The following MUC17 variants were observed in gnomAD, a reference collection of about 807,000 sequenced individuals.
The protein encoded by MUC17 is mucin-17.
Under a neutral mutation model 170.3 loss-of-function variants are expected in MUC17, and 190 were observed. The observed-to-expected ratio is 1.12, with a 90% CI of 0.99 to 1.26. The LOEUF is 1.26. MUC17 is among the 50% of genes most tolerant of loss of function. MUC17 has a pLI of 0.00. For synonymous variants in MUC17, 2,325 were observed against 2,002.5 expected, an observed-to-expected ratio of 1.16 and a Z score of -4.30; for missense variants, 6,415 against 5,530.0, an observed-to-expected ratio of 1.16 and a Z score of -5.08.
chr7:101,055,370 TG>T (rs1383867808), intron 11 of MUC17, among the ~76,000 whole-genome samples: 4 of 152,178 alleles, frequency 2.6e-5, no homozygotes, highest in Non-Finnish European at 5.9e-5. Context: ...ACAAAGTGTC[TG>T]TTGTTTTGTG....
rs901526446 is a variant in MUC17 at position 101,052,921 on chromosome 7, C to T, written c.13104-65C>T. ...TCATTAAACACCCACTGGGCAGGGC[C>T]CAGGTCTGAAGCTGGTGCTGACTCC... On this transcript the variant is annotated intron_variant, in intron 9 of 12. Transcript: ENST00000306151. 7 of 1,559,686 alleles carry T rather than the reference C, an allele frequency of 4.5e-6. No homozygotes were observed. In the African/African-American group the frequency reaches 9.5e-5, roughly 21 times the overall value.
rs778555889 is a variant in MUC17 at position 101,035,861 on chromosome 7, C to G, written c.4445C>G (p.Ser1482Cys). 6.2e-6 allele frequency: 10 copies of G among 1,602,340 alleles called. No individual in the cohort carries two copies. The Admixed American group carries it at 6.7e-5, about 11-fold the overall frequency. ...ACCCTTTCAACAACTCCTGTTGACTCTAACAGTCCTGTGGTCACTTCTACA... is the reference window on the plus strand; with the variant it reads ...ACCCTTTCAACAACTCCTGTTGACTGTAACAGTCCTGTGGTCACTTCTACA... ...ASTLSTTPVD[S>C]NSPVVTSTAV... The change falls in exon 3 of 13, where the codon TCT becomes TGT. Residue 1482 changes from serine to cysteine, a missense_variant. Coordinates refer to ENST00000306151, the MANE Select transcript of MUC17 (RefSeq NM_001040105.2).
At chr7:101,028,728 CT>C (rs1794225811) in intron 1 of MUC17, among the ~76,000 whole-genome samples, 1 of 150,742 alleles carries the variant, frequency 6.6e-6, no homozygotes, top group Admixed American at 6.6e-5. Context: ...AAAAAAAAAA[CT>C]TTTAAAAAAC....
Position 101,058,133 on chromosome 7 carries a change from ACTC to A in MUC17, c.*90_*92del. On this transcript the variant is annotated 3_prime_UTR_variant, in exon 13 of 13. Coordinates refer to ENST00000306151, the MANE Select transcript of MUC17 (RefSeq NM_001040105.2). ...TTCCCATTGAGAGCCTTCCATGGGA[ACTC>A]AATGTTCCCATTGTAAGTACAGGAA... 1 of 1,185,798 alleles carries A rather than the reference ACTC, an allele frequency of 8.4e-7. No individual in the cohort carries two copies. Among genetic ancestry groups the A allele is most frequent in the Non-Finnish European group, 1.3e-6 (1 of 794,986 alleles). The allele number at this position is 1,185,798 out of a possible 1,614,324, so 73.5% of individuals were successfully genotyped here. A position where few individuals can be genotyped will look rare whatever the true frequency, so the allele number is the denominator to read the frequency against.
intron 6 of MUC17, 147 bp downstream of exon 6, chr7:101,049,529 A>T: frequency 8.7e-7 from 1 of 1,142,922 alleles, no homozygotes. Flanking sequence ...AACAACAGAA[A>T]TCTATTTCTC....
chr7:101,036,215 C>G lies in MUC17; in HGVS notation c.4799C>G (p.Ser1600Cys), dbSNP rs1303712650. 6.2e-7 allele frequency: 1 copy of G among 1,614,024 alleles called. No individual in the cohort carries two copies. The highest frequency in any genetic ancestry group is 1.1e-5 in the South Asian group (1 of 91,082). Reference sequence around the variant, plus strand: ...ACCCTTTCAACAACCCCTATTGACTCCAAAACTCAGGTGACCGCTTCTACT... The same window carrying G: ...ACCCTTTCAACAACCCCTATTGACTGCAAAACTCAGGTGACCGCTTCTACT... ...ANTLSTTPID[S>C]KTQVTASTEA... is the part of the protein sequence containing the mutation. The change falls in exon 3 of 13, where the codon TCC becomes TGC. Residue 1600 changes from serine to cysteine, a missense_variant. Coordinates refer to ENST00000306151, the MANE Select transcript of MUC17 (RefSeq NM_001040105.2).
Position 101,041,180 on chromosome 7 carries a change from C to T in MUC17, c.9764C>T (p.Thr3255Ile), listed in dbSNP as rs1416231760. 6.2e-7 allele frequency: 1 copy of T among 1,613,458 alleles called. No homozygotes were observed. The highest frequency in any genetic ancestry group is 8.5e-7 in the Non-Finnish European group (1 of 1,179,800). The change falls in exon 3 of 13, where the codon ACT becomes ATT. Residue 3255 changes from threonine to isoleucine, a missense_variant. Physicochemically the swap from Thr to Ile is moderately conservative, Grantham distance 89. Coordinates refer to ENST00000306151, the MANE Select transcript of MUC17 (RefSeq NM_001040105.2). ...TPVDSNTPLT[T>I]STEASSSPPT... ...GTTGACTCCAACACTCCTTTGACCA[C>T]TTCTACTGAAGCCAGTTCATCTCCT...
intron 3 of MUC17, among the ~76,000 whole-genome samples, chr7:101,045,480 A>G (rs1226757151): frequency 2.7e-5 from 4 of 149,012 alleles, no homozygotes; most frequent in Non-Finnish European, 4.4e-5. Flanking sequence ...TGCAACCTCC[A>G]CCTCCCGGGT....
chr7:101,023,496 C>G (rs1794129977), intron 1 of MUC17, among the ~76,000 whole-genome samples: 1 of 152,316 alleles, frequency 6.6e-6, no homozygotes, highest in East Asian at 1.9e-4. Flanking sequence ...AAGTGATTCT[C>G]CTGCCTCAGC....
At chr7:101,054,802 G>C (rs2116484160) in intron 11 of MUC17, among the ~76,000 whole-genome samples, 1 of 152,268 alleles carries the variant, frequency 6.6e-6, no homozygotes, top group Non-Finnish European at 1.5e-5. Flanking sequence ...CTGGGCAACA[G>C]AGCAAGACCC....
At position 101,036,861 on chromosome 7, in the gene MUC17, C is replaced by A. The variant is rs374329623; in HGVS notation, c.5445C>A (p.Val1815=). ...EGMTPLTSTP[V]SHTLVANSEA... The stretch of plus-strand genomic sequence containing the variant: ...TGACTCCATTAACAAGCACACCTGT[C>A]AGCCACACGCTGGTGGCCAATTCTG... The change falls in exon 3 of 13, where the codon GTC becomes GTA. Residue 1815 remains valine, a synonymous_variant. Transcript: ENST00000306151. The A allele has an allele frequency of 1.2e-6, 2 of 1,608,314 alleles. No homozygotes were observed. Among genetic ancestry groups the A allele is most frequent in the African/African-American group, 2.7e-5 (2 of 74,254 alleles).
In MUC17 at chr7:101,041,055, A is replaced by G; in HGVS notation, c.9639A>G (p.Pro3213=). 1 of 1,613,718 alleles carries G rather than the reference A, an allele frequency of 6.2e-7. No individual in the cohort carries two copies. The highest frequency in any genetic ancestry group is 8.5e-7 in the Non-Finnish European group (1 of 1,179,978). ...CAACTGCTGAAGGTACCAGCATTCC[A>G]ACCTCAACTCCTAGTGAAGGAATGA... ...SSTTAEGTSI[P]TSTPSEGMTP... The change falls in exon 3 of 13, where the codon CCA becomes CCG. Residue 3213 remains proline (P), a synonymous_variant. Coordinates refer to ENST00000306151, the MANE Select transcript of MUC17 (RefSeq NM_001040105.2).
rs768713870 is a variant in MUC17, at chr7:101,037,412, G to A, written c.5996G>A (p.Ser1999Asn). 2 of 1,612,656 alleles carry A rather than the reference G, an allele frequency of 1.2e-6. No individual in the cohort carries two copies. The highest frequency in any genetic ancestry group is 4.5e-5 in the East Asian group (2 of 44,828). Reference protein sequence around the residue: ...SMPLSTTLVVSSEASTLSTTP... With the variant: ...SMPLSTTLVVNSEASTLSTTP... ...CCTCTCAGCACCACGCTGGTGGTCAGTTCTGAGGCTAGCACTCTTTCCACA... is the reference window on the plus strand; with the variant it reads ...CCTCTCAGCACCACGCTGGTGGTCAATTCTGAGGCTAGCACTCTTTCCACA... The change falls in exon 3 of 13, where the codon AGT becomes AAT. Residue 1999 changes from serine (S) to asparagine (N), a missense_variant. Physicochemically the swap from Ser to Asn is conservative, Grantham distance 46. Transcript: ENST00000306151.
intron 3 of MUC17, among the ~76,000 whole-genome samples, chr7:101,047,481 G>A (rs1369296339): frequency 2.0e-5 from 3 of 152,200 alleles, no homozygotes; most frequent in East Asian, 3.8e-4. Flanking sequence ...TCTGTGAAGT[G>A]AGGATAATAG....
At chr7:101,053,587 AC>A (rs1263746630) in intron 11 of MUC17, 151 bp downstream of exon 11, 2 of 576,848 alleles carry the variant, frequency 3.5e-6, no homozygotes, top group Non-Finnish European at 6.1e-6. Flanking sequence ...GGGCAACAAC[AC>A]AGCAAAACTC....
At chr7:101,054,538 G>A (rs903188476) in intron 11 of MUC17, among the ~76,000 whole-genome samples, 1 of 152,112 alleles carries the variant, frequency 6.6e-6, no homozygotes, top group African/African-American at 2.4e-5. Flanking sequence ...GGGAGAAAAA[G>A]AAAAAGGAGG....
chr7:101,040,338 T>C lies in MUC17; in HGVS notation c.8922T>C (p.Gly2974=). The C allele has an allele frequency of 1.2e-6, 2 of 1,612,704 alleles. No individual in the cohort carries two copies. Among genetic ancestry groups the C allele is most frequent in the Non-Finnish European group, 1.7e-6 (2 of 1,179,560 alleles). ...GTTCTTCTCCTACAACTGCTGAAGG[T>C]ACCAGCATGCCAATCTCAACTCCTG... ...EASSSPTTAE[G]TSMPISTPGE... is the part of the protein sequence containing the mutation. Residue 2974 remains glycine (G), a synonymous_variant, in exon 3 of 13, where the codon GGT becomes GGC. Coordinates refer to ENST00000306151, the MANE Select transcript of MUC17 (RefSeq NM_001040105.2).
chr7:101,032,897 C>T lies in MUC17; in HGVS notation c.1481C>T (p.Pro494Leu), dbSNP rs780609883. The change falls in exon 3 of 13, where the codon CCA (proline) becomes CTA (leucine). Residue 494 changes from proline (P) to leucine (L), a missense_variant. Coordinates refer to ENST00000306151, the MANE Select transcript of MUC17 (RefSeq NM_001040105.2). Reference protein sequence around the residue: ...TTSTEASSSPPTAEVNSMPTS... With the variant: ...TTSTEASSSPLTAEVNSMPTS... ...TCTACTGAAGCCAGTTCATCTCCTC[C>T]AACTGCTGAAGTTAACAGCATGCCA... 1 of 1,614,024 alleles carries T rather than the reference C, an allele frequency of 6.2e-7. No homozygotes were observed. Among genetic ancestry groups the T allele is most frequent in the Non-Finnish European group, 8.5e-7 (1 of 1,179,994 alleles).
chr7:101,030,511 C>T (rs780479515), intron 1 of MUC17, among the ~76,000 whole-genome samples: 1 of 152,204 alleles, frequency 6.6e-6, no homozygotes, highest in Admixed American at 6.5e-5. Flanking sequence ...GCATGAGCCA[C>T]CACGCCCAGT....
Sources: allele counts gnomAD v4.1 joint callset (sites outside exome capture counted in the v4.1 genomes callset), GRCh38; gene constraint gnomAD v4.1.1; transcripts MANE v1.5; gene names NCBI Gene and HGNC (gene_info 2026-07-23, HGNC 2026-07-21).